Variants in HLF observed in about 807,000 individuals in gnomAD.
The protein encoded by HLF is HLF transcription factor, PAR bZIP family member.
Under a neutral mutation model 22.6 loss-of-function variants are expected in HLF, and 3 were observed. That is an observed-to-expected ratio of 0.13 (90% CI 0.06 to 0.34). The LOEUF is 0.34. HLF is among the 10% of genes least tolerant of loss of function. HLF has a pLI of 1.00. For synonymous variants in HLF, 151 were observed against 151.8 expected (o/e 0.99, Z 0.04); for missense variants, 299 against 389.2 (o/e 0.77, Z 1.95).
chr17:55,312,627 C>T (rs1904882477), intron 2 of HLF, among the ~76,000 whole-genome samples: 1 of 152,138 alleles, frequency 6.6e-6, no homozygotes, highest in East Asian at 1.9e-4. Context: ...GGTTAAATCA[C>T]TTATGTGTAA....
chr17:55,323,348 A>C lies in HLF; in HGVS notation c.*2469A>C, dbSNP rs1331326408. 9.3e-6 allele frequency: 2 copies of C among 215,422 alleles called. No homozygotes were observed. Among genetic ancestry groups the C allele is most frequent in the African/African-American group, 4.5e-5 (2 of 44,344 alleles). The allele number at this position is 215,422 out of a possible 1,614,324, so 13.3% of individuals were successfully genotyped here. A position where few individuals can be genotyped will look rare whatever the true frequency, so the allele number is the denominator to read the frequency against. On this transcript the variant is annotated 3_prime_UTR_variant, in exon 4 of 4. Transcript: ENST00000226067. ...GCAATAGTCATTAAAAACATAGAAA[A>C]ATGATGTCTTTAAGTGGAGAATTGT...
intron 2 of HLF, among the ~76,000 whole-genome samples, chr17:55,292,788 A>C (rs981942448): frequency 1.3e-4 from 20 of 152,378 alleles, no homozygotes; most frequent in African/African-American, 4.3e-4. Context: ...GCATACATAC[A>C]CAATGGAATA....
intron 2 of HLF, chr17:55,272,638 G>C (rs1255314805): frequency 1.3e-5 from 2 of 152,242 alleles, no homozygotes; most frequent in South Asian, 2.1e-4. Flanking sequence ...TTTGTATTCT[G>C]TTTCTGCCGA....
At chr17:55,306,150 G>A (rs969134252) in intron 2 of HLF, among the ~76,000 whole-genome samples, 2 of 152,068 alleles carry the variant, frequency 1.3e-5, no homozygotes, top group African/African-American at 4.8e-5. Context: ...GAGCCCAGGA[G>A]TTCAAGGTTT....
rs1388585053 is a variant in HLF at position 55,320,659 on chromosome 17, A to G, written c.673-5A>G. On this transcript the variant is annotated splice_polypyrimidine_tract_variant and splice_region_variant and intron_variant, in intron 3 of 3. Coordinates refer to ENST00000226067, the MANE Select transcript of HLF (RefSeq NM_002126.5). The surrounding 1 kb of genome is among the most constrained non-coding windows in gnomAD (Gnocchi z 4.2). ...TTCTTTTTCCCTTCTGTAACTAATG[A>G]GCAGGATGACAAGTACTGGGCAAGG... 6.2e-7 allele frequency: 1 copy of G among 1,613,324 alleles called. No individual in the cohort carries two copies.
chr17:55,285,754 C>T (rs1028377871), intron 2 of HLF, among the ~76,000 whole-genome samples: 6 of 152,206 alleles, frequency 3.9e-5, no homozygotes, highest in African/African-American at 1.2e-4. Flanking sequence ...CATTTCACTT[C>T]GGAACACACT....
In HLF at chr17:55,322,815, C is replaced by T. The variant is rs895288600; in HGVS notation, c.*1936C>T. The T allele has an allele frequency of 1.4e-4, 31 of 228,284 alleles. No homozygotes were observed. Among genetic ancestry groups the T allele is most frequent in the African/African-American group, 6.4e-4 (29 of 45,152 alleles). The allele number at this position is 228,284 out of a possible 1,614,324, so 14.1% of individuals were successfully genotyped here. On this transcript the variant is annotated 3_prime_UTR_variant, in exon 4 of 4. Coordinates refer to ENST00000226067, the MANE Select transcript of HLF (RefSeq NM_002126.5). ...ACAGTTCTTTTCTACCCTGCGGGCC[C>T]GCACGTTTTATGAGGTTGATATCGG...
At chr17:55,268,239 C>T (rs569385277) in intron 2 of HLF, among the ~76,000 whole-genome samples, 153 bp downstream of exon 2, 1 of 152,266 alleles carries the variant, frequency 6.6e-6, no homozygotes, top group South Asian at 2.1e-4. Context: ...AGAGGCTCTC[C>T]CACTTTAATG....
intron 2 of HLF, among the ~76,000 whole-genome samples, chr17:55,280,250 G>T (rs1354164084): frequency 6.6e-6 from 1 of 152,192 alleles, no homozygotes; most frequent in East Asian, 1.9e-4. Context: ...AACTGCTTTT[G>T]AGTTATTGCA....
At chr17:55,279,947 C>CA (rs146253278) in intron 2 of HLF, among the ~76,000 whole-genome samples, 4,736 of 152,202 alleles carry the variant, frequency 0.031, 246 homozygotes, top group African/African-American at 0.11. Flanking sequence ...TGTCATCGGC[C>CA]AACCCGCAAA....
At chr17:55,302,072 G>T (rs2081161744) in intron 2 of HLF, among the ~76,000 whole-genome samples, 1 of 152,228 alleles carries the variant, frequency 6.6e-6, no homozygotes, top group Admixed American at 6.5e-5. Flanking sequence ...TTCCCAACCT[G>T]CCTGGGAAGT....
chr17:55,283,215 A>G (rs2080969938), intron 2 of HLF, among the ~76,000 whole-genome samples: 1 of 152,300 alleles, frequency 6.6e-6, no homozygotes, highest in Non-Finnish European at 1.5e-5. Context: ...GACAGTGGCC[A>G]GAGGGGGCCT....
rs1567828293 is a variant in HLF at position 55,320,870 on chromosome 17, G to A, written c.879G>A (p.Gly293=). The A allele has an allele frequency of 2.5e-6, 4 of 1,610,834 alleles. No homozygotes were observed. The highest frequency in any genetic ancestry group is 1.7e-5 in the Admixed American group (1 of 59,726). The part of the protein sequence containing the change: ...NILAKYEARH[G]PL The stretch of plus-strand genomic sequence containing the variant: ...TTGCCAAGTATGAGGCCAGGCACGG[G>A]CCCCTGTAGGATGGCATTTTTGCAG... The change falls in exon 4 of 4, where the codon GGG becomes GGA. Residue 293 remains glycine (G), a synonymous_variant. Transcript: ENST00000226067. This position sits in a 1 kb window ranked among gnomAD's most constrained non-coding sequence, Gnocchi z 4.2.
intron 2 of HLF, among the ~76,000 whole-genome samples, chr17:55,313,359 C>T (rs35144852): frequency 0.058 from 8,481 of 147,254 alleles, 519 homozygotes; most frequent in African/African-American, 0.15. Context: ...GAGGTGTGTG[C>T]GTGTGTGTGT....
At chr17:55,276,338 T>G (rs147724232) in intron 2 of HLF, among the ~76,000 whole-genome samples, 3 of 152,272 alleles carry the variant, frequency 2.0e-5, no homozygotes, top group East Asian at 3.9e-4. Context: ...CAAACTAGCA[T>G]GTTCTCAGTG....
intron 2 of HLF, among the ~76,000 whole-genome samples, chr17:55,300,175 T>G (rs2081144918): frequency 6.6e-6 from 1 of 152,172 alleles, no homozygotes; most frequent in Admixed American, 6.5e-5. Context: ...GCCACTTGAT[T>G]AGGAGGCACA....
At chr17:55,315,041 G>C (rs755593720) in intron 2 of HLF, among the ~76,000 whole-genome samples, 186 bp from the exon 3 acceptor site, 8 of 152,202 alleles carry the variant, frequency 5.3e-5, no homozygotes, top group Non-Finnish European at 8.8e-5. Flanking sequence ...CTGATGTGAC[G>C]TGAGTCAAGT....
intron 2 of HLF, among the ~76,000 whole-genome samples, chr17:55,304,901 T>C (rs1567822654): frequency 1.3e-5 from 2 of 152,192 alleles, no homozygotes. Context: ...GTCAGAGTCA[T>C]GATGAATCCT....
rs975858325 is a variant in HLF, at chr17:55,323,696, A to G, written c.*2817A>G. The G allele has an allele frequency of 4.4e-6, 1 of 229,546 alleles. No homozygotes were observed. The highest frequency in any genetic ancestry group is 2.2e-5 in the African/African-American group (1 of 45,086). The allele number at this position is 229,546 out of a possible 1,614,324, so 14.2% of individuals were successfully genotyped here. ...GCCTCTCCATCCAGGGCAGTTAACT[A>G]GCAAACAAGGCAGATCTGCTTCATG... On this transcript the variant is annotated 3_prime_UTR_variant, in exon 4 of 4. Transcript: ENST00000226067.
Sources: allele counts gnomAD v4.1 joint callset (sites outside exome capture counted in the v4.1 genomes callset), GRCh38; gene constraint gnomAD v4.1.1; non-coding constraint Gnocchi (gnomAD v3.1); transcripts MANE v1.5; gene names NCBI Gene and HGNC (gene_info 2026-07-23, HGNC 2026-07-21).